The following MCF2L variants were observed in gnomAD, a reference collection of about 807,000 sequenced individuals.
MCF2L encodes the protein guanine nucleotide exchange factor DBS.
Under a neutral mutation model 153.4 loss-of-function variants are expected in MCF2L, and 97 were observed. The ratio of observed to expected loss-of-function variants is 0.63; its 90% CI spans 0.54 to 0.75. The LOEUF is 0.75. Ranked by LOEUF, MCF2L falls within the 30% of genes least tolerant of loss-of-function variation. The pLI is 0.00. For missense variants in MCF2L, 1,347 were observed against 1,495.2 expected, an observed-to-expected ratio of 0.90 and a Z score of 1.64; for synonymous variants, 659 against 632.2, an observed-to-expected ratio of 1.04 and a Z score of -0.64.
rs530107359 is a variant in MCF2L, at chr13:113,007,674, G to A, written c.80-7089G>A. 5.9e-5 allele frequency among the ~76,000 whole-genome samples: 9 copies of A among 152,360 alleles called. 1 individual carries two copies. The South Asian group carries it at 1.9e-3, about 32-fold the overall frequency. On this transcript the variant is annotated intron_variant, in intron 1 of 29. Coordinates refer to ENST00000535094, the MANE Select transcript of MCF2L (RefSeq NM_001112732.3). Reference sequence around the variant, plus strand: ...GGAAAGCAGAAACTGTGCAAACGCGGTTCGGCGGCCTCAGTCACTGTCCTT... The same window carrying A: ...GGAAAGCAGAAACTGTGCAAACGCGATTCGGCGGCCTCAGTCACTGTCCTT...
chr13:112,988,924 C>T (rs1281144623), intron 1 of MCF2L, among the ~76,000 whole-genome samples: 7 of 122,220 alleles, frequency 5.7e-5, no homozygotes, highest in South Asian at 2.9e-4. Context: ...CTACCACGCC[C>T]GAGTCCTCCC....
At position 113,087,276 on chromosome 13, in the gene MCF2L, G is replaced by A. The variant is rs9604022; in HGVS notation, c.2415G>A (p.Ser805=). The A allele has an allele frequency of 0.16, 259,795 of 1,612,630 alleles. 22,902 individuals are homozygous for A. The highest frequency in any genetic ancestry group is 0.27 in the Middle Eastern group (1,569 of 5,742). ...TGGGCAAGCTGCTGATGCAGGGCTC[G>A]TTCAGCGTCTGGACCGACCACAAGA... ...GDLGKLLMQG[S]FSVWTDHKRG... Residue 805 remains serine (S), a synonymous_variant, in exon 22 of 30, where the codon TCG becomes TCA. Transcript: ENST00000535094.
At chr13:113,060,517 C>A in intron 4 of MCF2L, 76 bp from the exon 5 acceptor site, 2 of 1,565,162 alleles carry the variant, frequency 1.3e-6, no homozygotes, top group Admixed American at 1.7e-5. Context: ...GTCAGCCCAG[C>A]GTGCAGGCAC....
chr13:112,989,977 C>T (rs915585921), intron 1 of MCF2L, among the ~76,000 whole-genome samples: 6 of 152,206 alleles, frequency 3.9e-5, no homozygotes, highest in Admixed American at 1.3e-4. Flanking sequence ...ATGCACAGTT[C>T]ACCATAGGTT....
At chr13:112,916,177 T>C in intron 2 of MCF2L, among the ~76,000 whole-genome samples, 1 of 147,718 alleles carries the variant, frequency 6.8e-6, no homozygotes, top group Non-Finnish European at 1.5e-5. Context: ...CACTATACTC[T>C]AGCCTGGGGA....
intron 9 of MCF2L, among the ~76,000 whole-genome samples, chr13:113,072,948 C>G (rs2033062939): frequency 6.6e-6 from 1 of 151,790 alleles, no homozygotes; most frequent in Admixed American, 6.6e-5. Flanking sequence ...AATAAGAACA[C>G]TATAAATTTC....
rs2085415622 is a variant in MCF2L, at chr13:113,027,941, C to A, written c.278+3183C>A. 6.6e-6 allele frequency among the ~76,000 whole-genome samples: 1 copy of A among 152,192 alleles called. No homozygotes were observed. Among genetic ancestry groups the A allele is most frequent in the Non-Finnish European group, 1.5e-5 (1 of 68,032 alleles). ...CAAGCCTCCAGGCCTTTGTCTGTCA[C>A]CTGCACAGGAGGAAGGGCCTGTGTC... On this transcript the variant is annotated intron_variant, in intron 3 of 29. Transcript: ENST00000535094. This position sits in a 1 kb window ranked among gnomAD's most constrained non-coding sequence, Gnocchi z 4.8.
intron 2 of MCF2L, chr13:112,957,772 G>A (rs1377314751): frequency 6.6e-6 from 1 of 152,258 alleles, no homozygotes; most frequent in Admixed American, 6.5e-5. Flanking sequence ...TCCACCTTGT[G>A]TATCCTAATG....
chr13:112,908,539 A>C (rs1356861226), intron 2 of MCF2L, among the ~76,000 whole-genome samples: 1 of 152,106 alleles, frequency 6.6e-6, no homozygotes, highest in African/African-American at 2.4e-5. Flanking sequence ...CCCAGAGCAC[A>C]CATGATTCTG....
At chr13:113,090,255 G>T in intron 26 of MCF2L, 1 of 1,373,904 alleles carries the variant, frequency 7.3e-7, no homozygotes, top group Non-Finnish European at 9.6e-7. Flanking sequence ...CACAAGGGCG[G>T]CCACGCAAAA....
intron 11 of MCF2L, 138 bp downstream of exon 11, chr13:113,075,327 G>T: frequency 1.5e-6 from 1 of 677,406 alleles, no homozygotes; most frequent in South Asian, 2.6e-5. Flanking sequence ...CTTCGTTTCT[G>T]GTCTTGTTGG....
chr13:113,071,627 C>G (rs1378210712), intron 9 of MCF2L, among the ~76,000 whole-genome samples: 1 of 152,168 alleles, frequency 6.6e-6, no homozygotes, highest in Non-Finnish European at 1.5e-5. Flanking sequence ...GTTGAAAAGG[C>G]CCTTTCTTCC....
intron 1 of MCF2L, chr13:112,979,593 G>GGGTC: frequency 6.3e-7 from 1 of 1,599,160 alleles, no homozygotes; most frequent in Non-Finnish European, 8.5e-7. Context: ...TAGCATCAGG[G>GGGTC]GGTCGCCTGT....
intron 2 of MCF2L, among the ~76,000 whole-genome samples, chr13:112,940,828 T>G (rs2081568506): frequency 6.6e-6 from 1 of 152,090 alleles, no homozygotes; most frequent in Non-Finnish European, 1.5e-5. Context: ...AAAAATCACA[T>G]CTTCATGGGC....
intron 3 of MCF2L, among the ~76,000 whole-genome samples, chr13:113,029,239 C>A (rs1183813260): frequency 6.6e-6 from 1 of 152,218 alleles, no homozygotes; most frequent in Non-Finnish European, 1.5e-5. Flanking sequence ...TCCTAGGGCG[C>A]AGCAGCCGCG....
At chr13:112,999,842 A>G (rs2083287163) in intron 1 of MCF2L, among the ~76,000 whole-genome samples, 1 of 152,230 alleles carries the variant, frequency 6.6e-6, no homozygotes. Flanking sequence ...CCTGCAAAAC[A>G]TGCTTCGGAC....
intron 1 of MCF2L, among the ~76,000 whole-genome samples, chr13:113,012,155 TGTGATGCGGACGGTGGACAG>T (rs2084181527): frequency 1.1e-4 from 10 of 90,064 alleles, no homozygotes; most frequent in Admixed American, 3.3e-4. Flanking sequence ...CGGTGGACAC[TGTGATGCGGACGGTGGACAG>T]GCAGTGTGGA....
intron 13 of MCF2L, 119 bp downstream of exon 13, chr13:113,077,330 C>T (rs2236372): frequency 0.082 from 96,103 of 1,166,626 alleles, 4,676 homozygotes; most frequent in East Asian, 0.23. Context: ...CGCCTCCTCC[C>T]CTTCCACCTC....
chr13:113,019,583 G>A (rs552826779), intron 2 of MCF2L, among the ~76,000 whole-genome samples: 4 of 152,376 alleles, frequency 2.6e-5, no homozygotes, highest in South Asian at 4.1e-4. Context: ...GGTTTGGGCA[G>A]AGTCGCACGT....
Sources: gnomAD v4.1 joint callset for allele counts (sites outside exome capture counted in the v4.1 genomes callset) on GRCh38, gnomAD v4.1.1 for gene constraint, Gnocchi (gnomAD v3.1) non-coding constraint, MANE v1.5 for transcripts, NCBI Gene and HGNC (gene_info 2026-07-23, HGNC 2026-07-21) for gene names.